Variants in RPAP2 observed in about 807,000 individuals in gnomAD.
RPAP2 encodes RNA polymerase II associated protein 2, also known as putative RNA polymerase II subunit B1 CTD phosphatase RPAP2.
RPAP2 carries 52 observed loss-of-function variants against 73.1 expected under a neutral mutation model. The observed-to-expected ratio is 0.71, with a 90% CI of 0.57 to 0.90. The LOEUF (loss-of-function observed/expected upper bound fraction) is 0.90, where lower values mean the gene tolerates loss of function less well. RPAP2 is among the 40% of genes least tolerant of loss of function. The pLI is 0.00. For missense variants in RPAP2, 598 were observed against 701.8 expected (o/e 0.85, Z 1.67); for synonymous variants, 225 against 242.1 (o/e 0.93, Z 0.65).
intron 11 of RPAP2, among the ~76,000 whole-genome samples, chr1:92,375,201 T>C (rs1655335749): frequency 6.6e-6 from 1 of 152,212 alleles, no homozygotes; most frequent in Non-Finnish European, 1.5e-5. Context: ...TTAAAAATAA[T>C]ATGTTTTACA....
intron 7 of RPAP2, among the ~76,000 whole-genome samples, chr1:92,321,513 AC>A (rs1406980336): frequency 1.3e-5 from 2 of 151,884 alleles, no homozygotes; most frequent in Non-Finnish European, 2.9e-5. Flanking sequence ...TTGCTTCTTG[AC>A]CCAGAGTCTT....
intron 8 of RPAP2, among the ~76,000 whole-genome samples, chr1:92,326,771 C>G (rs778091576): frequency 6.6e-6 from 1 of 152,224 alleles, no homozygotes; most frequent in Non-Finnish European, 1.5e-5. Flanking sequence ...AGCTCCCATG[C>G]AACCCAAAAG....
chr1:92,359,444 G>A (rs532080103), intron 11 of RPAP2, among the ~76,000 whole-genome samples: 38 of 152,206 alleles, frequency 2.5e-4, no homozygotes, highest in Admixed American at 2.0e-3. Flanking sequence ...CTCAGCCTCC[G>A]AAGTAGTTGG....
At chr1:92,380,491 A>G (rs1655583562) in intron 11 of RPAP2, among the ~76,000 whole-genome samples, 1 of 152,214 alleles carries the variant, frequency 6.6e-6, no homozygotes, top group Admixed American at 6.5e-5. Flanking sequence ...GAAGAAGAAC[A>G]AACATATTAT....
chr1:92,336,463 T>C, intron 10 of RPAP2, 36 bp downstream of exon 10: 1 of 1,409,448 alleles, frequency 7.1e-7, no homozygotes, highest in Non-Finnish European at 1.0e-6. Flanking sequence ...TTCTCAATTA[T>C]TTTGACTTTA....
chr1:92,370,953 T>C (rs2101419753), intron 11 of RPAP2, among the ~76,000 whole-genome samples: 1 of 152,258 alleles, frequency 6.6e-6, no homozygotes, highest in Admixed American at 6.5e-5. Flanking sequence ...CCTTGAACAT[T>C]GTCAGTGGGA....
At chr1:92,304,454 A>C in intron 5 of RPAP2, 105 bp downstream of exon 5, 1 of 564,674 alleles carries the variant, frequency 1.8e-6, no homozygotes, top group Non-Finnish European at 3.0e-6. Context: ...ATAGGATTCT[A>C]AAAGAAACTT....
chr1:92,324,476 A>C, intron 8 of RPAP2, 101 bp downstream of exon 8: 5 of 874,800 alleles, frequency 5.7e-6, no homozygotes, highest in Non-Finnish European at 8.7e-6. Context: ...TTAATTGTTA[A>C]ATTTTCAAAT....
intron 6 of RPAP2, among the ~76,000 whole-genome samples, chr1:92,307,541 G>C (rs931134444): frequency 3.3e-5 from 5 of 152,268 alleles, no homozygotes; most frequent in African/African-American, 1.2e-4. Flanking sequence ...TGTGATGCTA[G>C]TTATGTCTGT....
intron 11 of RPAP2, among the ~76,000 whole-genome samples, chr1:92,348,026 T>C (rs763631319): frequency 6.6e-5 from 10 of 152,044 alleles, no homozygotes; most frequent in Non-Finnish European, 1.5e-4. Context: ...TCTGCTGCCT[T>C]AGCCTCCTGA....
intron 11 of RPAP2, among the ~76,000 whole-genome samples, chr1:92,373,949 A>T (rs1240029938): frequency 6.6e-6 from 1 of 151,996 alleles, no homozygotes; most frequent in Non-Finnish European, 1.5e-5. Context: ...TGTATGTAAT[A>T]GTACAGGGGT....
At chr1:92,380,040 G>T (rs1411409087) in intron 11 of RPAP2, among the ~76,000 whole-genome samples, 1 of 85,594 alleles carries the variant, frequency 1.2e-5, no homozygotes. Context: ...CTGGTGGATC[G>T]CCTGAGGCTG....
chr1:92,339,005 A>G (rs1393574006), intron 10 of RPAP2, among the ~76,000 whole-genome samples: 1 of 152,206 alleles, frequency 6.6e-6, no homozygotes, highest in African/African-American at 2.4e-5. Flanking sequence ...TATGCTGTAC[A>G]TATCAGAAAA....
At chr1:92,326,405 G>A (rs958563490) in intron 8 of RPAP2, among the ~76,000 whole-genome samples, 1 of 152,136 alleles carries the variant, frequency 6.6e-6, no homozygotes, top group Non-Finnish European at 1.5e-5. Context: ...CTTGCTTTTG[G>A]TTGTTTAATG....
At chr1:92,333,497 G>A (rs752542057) in intron 9 of RPAP2, 24 bp downstream of exon 9, 4 of 1,501,882 alleles carry the variant, frequency 2.7e-6, no homozygotes. Flanking sequence ...TGCCATTCCA[G>A]CTTTGTAGTA....
chr1:92,345,792 T>C (rs1653858141), intron 10 of RPAP2, 54 bp from the exon 11 acceptor site: 9 of 1,104,956 alleles, frequency 8.1e-6, no homozygotes, highest in Non-Finnish European at 1.1e-5. Flanking sequence ...TAGAAAGAAA[T>C]AGAAAGTTTA....
At chr1:92,382,071 C>T (rs1355713331) in intron 12 of RPAP2, among the ~76,000 whole-genome samples, 2 of 152,030 alleles carry the variant, frequency 1.3e-5, no homozygotes, top group Non-Finnish European at 2.9e-5. Flanking sequence ...TTTCCAGTTT[C>T]ATCCATGTCC....
intron 7 of RPAP2, among the ~76,000 whole-genome samples, chr1:92,320,976 A>G (rs1416878377): frequency 2.6e-5 from 4 of 152,234 alleles, no homozygotes; most frequent in Non-Finnish European, 4.4e-5. Context: ...TTACAGTCCT[A>G]TAGGATTTCA....
Position 92,299,164 on chromosome 1 carries a change from T to A in RPAP2, c.73+18T>A, listed in dbSNP as rs1464514008. ...AGCCGCAGGTAGGAGCAAGGATCTC[T>A]TCCCACTTTTGGACCCTGAAAGCTG... is the stretch of plus-strand genomic sequence containing the variant. On this transcript the variant is annotated intron_variant, in intron 1 of 12. Transcript: ENST00000610020. 2 of 1,466,890 alleles carry A rather than the reference T, an allele frequency of 1.4e-6. No homozygotes were observed. The highest frequency in any genetic ancestry group is 5.4e-5 in the East Asian group (2 of 37,352). The allele number at this position is 1,466,890 out of a possible 1,614,324, so 90.9% of individuals were successfully genotyped here.
Sources: gnomAD v4.1 joint callset for allele counts (sites outside exome capture counted in the v4.1 genomes callset) on GRCh38, gnomAD v4.1.1 for gene constraint, MANE v1.5 for transcripts, NCBI Gene and HGNC (gene_info 2026-07-23, HGNC 2026-07-21) for gene names.